SCFD2: variants seen among roughly 807,000 people sequenced by gnomAD.
The protein encoded by SCFD2 is sec1 family domain-containing protein 2.
Under a neutral mutation model 58.9 loss-of-function variants are expected in SCFD2, and 54 were observed. The observed-to-expected ratio is 0.92, with a 90% CI of 0.74 to 1.15. The LOEUF (loss-of-function observed/expected upper bound fraction) is 1.15, where lower values mean the gene tolerates loss of function less well. SCFD2 is among the 50% of genes most tolerant of loss of function. SCFD2 has a pLI of 0.00. For missense variants in SCFD2, 805 were observed against 836.6 expected (o/e 0.96, Z 0.47); for synonymous variants, 321 against 335.9 (o/e 0.96, Z 0.49).
chr4:53,201,954 A>T (rs1483815111), intron 4 of SCFD2, among the ~76,000 whole-genome samples: 1 of 151,868 alleles, frequency 6.6e-6, no homozygotes, highest in Non-Finnish European at 1.5e-5. Flanking sequence ...GGTTGCAAAA[A>T]TTTTCTCCCA....
chr4:53,344,751 T>A (rs1216932073), intron 2 of SCFD2, among the ~76,000 whole-genome samples: 1 of 151,866 alleles, frequency 6.6e-6, no homozygotes, highest in African/African-American at 2.4e-5. Flanking sequence ...CCAAAACAGA[T>A]ATATAGACCA....
chr4:52,960,591 A>G (rs1388288408), intron 5 of SCFD2, among the ~76,000 whole-genome samples: 1 of 150,538 alleles, frequency 6.6e-6, no homozygotes, highest in Non-Finnish European at 1.5e-5. Flanking sequence ...CTGGTCTCAA[A>G]CTCCCGACCT....
intron 4 of SCFD2, among the ~76,000 whole-genome samples, chr4:53,226,858 C>T (rs1323282610): frequency 6.6e-6 from 1 of 152,162 alleles, no homozygotes; most frequent in Admixed American, 6.5e-5. Flanking sequence ...CCAACCAACC[C>T]TCAAAAACCT....
chr4:52,924,466 C>A (rs1719815883), intron 5 of SCFD2, among the ~76,000 whole-genome samples: 2 of 152,128 alleles, frequency 1.3e-5, no homozygotes, highest in South Asian at 4.1e-4. Context: ...CCTAAATTCA[C>A]AAATATAGTC....
chr4:53,179,044 G>A (rs1727447922), intron 4 of SCFD2, among the ~76,000 whole-genome samples: 1 of 152,204 alleles, frequency 6.6e-6, no homozygotes, highest in Non-Finnish European at 1.5e-5. Context: ...TGAAAGTGAT[G>A]GGGAGAATGG....
chr4:53,276,660 T>C (rs138907083), intron 3 of SCFD2, among the ~76,000 whole-genome samples: 4 of 152,184 alleles, frequency 2.6e-5, no homozygotes, highest in African/African-American at 9.6e-5. Context: ...GTTCCCCTCT[T>C]AGTGTCCATG....
At chr4:53,218,575 C>T (rs550083404) in intron 4 of SCFD2, among the ~76,000 whole-genome samples, 5 of 152,260 alleles carry the variant, frequency 3.3e-5, no homozygotes, top group African/African-American at 7.2e-5. Flanking sequence ...AGCTTCTTTG[C>T]GATGGGTTTG....
chr4:52,942,663 G>A (rs756009475), intron 5 of SCFD2, among the ~76,000 whole-genome samples: 1 of 152,166 alleles, frequency 6.6e-6, no homozygotes, highest in Admixed American at 6.5e-5. Context: ...CTGACACTGA[G>A]AGAAAGGCAA....
Position 53,352,088 on chromosome 4 carries a change from T to C in SCFD2, c.1007+510A>G, listed in dbSNP as rs551569615. Among the ~76,000 whole-genome samples the C allele has an allele frequency of 3.9e-5, 6 of 152,306 alleles. No homozygotes were observed. The South Asian group carries it at 1.2e-3, about 32-fold the overall frequency. ...CTGGAGAAATTCTTATTTTTTAAAC[T>C]CTGCATAACAACGTACATAATCTTC... On this transcript the variant is annotated intron_variant, in intron 2 of 8. Coordinates refer to ENST00000401642, the MANE Select transcript of SCFD2 (RefSeq NM_152540.4).
chr4:53,276,992 C>A, intron 3 of SCFD2, among the ~76,000 whole-genome samples: 1 of 152,134 alleles, frequency 6.6e-6, no homozygotes, highest in African/African-American at 2.4e-5. Context: ...CTGGTCAAAT[C>A]TTTTGCTCAT....
chr4:53,190,926 T>C (rs1577823499), intron 4 of SCFD2, among the ~76,000 whole-genome samples: 1 of 152,290 alleles, frequency 6.6e-6, no homozygotes, highest in South Asian at 2.1e-4. Context: ...AATATTCCCT[T>C]ATATTACAGA....
intron 7 of SCFD2, among the ~76,000 whole-genome samples, chr4:52,899,039 G>A (rs1279430575): frequency 6.6e-6 from 1 of 152,122 alleles, no homozygotes; most frequent in African/African-American, 2.4e-5. Context: ...GAGCCTATGT[G>A]TGTCTCTGCA....
intron 4 of SCFD2, among the ~76,000 whole-genome samples, chr4:53,241,153 T>G (rs1729880450): frequency 6.6e-6 from 1 of 152,184 alleles, no homozygotes; most frequent in African/African-American, 2.4e-5. Context: ...GCTTCTGGAA[T>G]CCTGGCAGGA....
At chr4:53,182,618 G>A (rs753476019) in intron 4 of SCFD2, among the ~76,000 whole-genome samples, 6 of 151,952 alleles carry the variant, frequency 3.9e-5, no homozygotes, top group Non-Finnish European at 5.9e-5. Context: ...CTAAAACATC[G>A]AAAGCAATGG....
In SCFD2 at chr4:53,036,850, A is replaced by T. The variant is rs530764910; in HGVS notation, c.1561+108483T>A. Among the ~76,000 whole-genome samples, 121 of 152,346 alleles carry T rather than the reference A, an allele frequency of 7.9e-4. 1 individual carries two copies. In the Middle Eastern group the frequency reaches 0.01, roughly 13 times the overall value. On this transcript the variant is annotated intron_variant, in intron 5 of 8. Transcript: ENST00000401642. ...CAAAACTTAAATTATAATAATAATT[A>T]AAAAATCTACATCTACATGATTCCA...
chr4:53,299,945 G>A (rs1732209888), intron 3 of SCFD2, among the ~76,000 whole-genome samples: 1 of 152,088 alleles, frequency 6.6e-6, no homozygotes, highest in Admixed American at 6.5e-5. Context: ...GCTCCTGAAG[G>A]AAGCACTAAA....
chr4:53,252,289 C>T (rs373514571), intron 4 of SCFD2, among the ~76,000 whole-genome samples: 1 of 148,042 alleles, frequency 6.8e-6, no homozygotes, highest in Admixed American at 6.8e-5. Flanking sequence ...GAATCAATAT[C>T]GTGAAAATGG....
chr4:53,262,772 A>G (rs1163304964), intron 4 of SCFD2, among the ~76,000 whole-genome samples: 1 of 151,980 alleles, frequency 6.6e-6, no homozygotes, highest in Non-Finnish European at 1.5e-5. Context: ...GTGTTCTTTG[A>G]GCTTCTGGTA....
chr4:53,170,648 A>C (rs1346555488), intron 4 of SCFD2, among the ~76,000 whole-genome samples: 1 of 152,208 alleles, frequency 6.6e-6, no homozygotes, highest in African/African-American at 2.4e-5. Flanking sequence ...AACAATATTA[A>C]TTCTTCCAAT....
Sources: allele counts gnomAD v4.1 joint callset (sites outside exome capture counted in the v4.1 genomes callset), GRCh38; gene constraint gnomAD v4.1.1; transcripts MANE v1.5; gene names NCBI Gene and HGNC (gene_info 2026-07-23, HGNC 2026-07-21).